The following RXRG variants were observed in gnomAD, a reference collection of about 807,000 sequenced individuals.
RXRG encodes the protein retinoic acid receptor RXR-gamma.
In RXRG, 19 loss-of-function variants were observed where a neutral mutation model predicts 49.2. The observed-to-expected ratio is 0.39, with a 90% confidence interval of 0.27 to 0.57. The LOEUF is 0.57. Ranked by LOEUF, RXRG falls within the 20% of genes least tolerant of loss-of-function variation. The pLI is 0.64. For synonymous variants in RXRG, 224 were observed against 216.6 expected, an observed-to-expected ratio of 1.03 and a Z score of -0.30; for missense variants, 452 against 592.5, an observed-to-expected ratio of 0.76 and a Z score of 2.46.
chr1:165,418,266 C>T (rs1050177462), intron 3 of RXRG, among the ~76,000 whole-genome samples: 1 of 152,132 alleles, frequency 6.6e-6, no homozygotes, highest in Non-Finnish European at 1.5e-5. Flanking sequence ...CCACCAAGCC[C>T]ATCCTCAGAC....
chr1:165,410,685 C>A lies in RXRG; in HGVS notation c.913+17G>T. On this transcript the variant is annotated intron_variant, in intron 6 of 9. Coordinates refer to ENST00000359842, the MANE Select transcript of RXRG (RefSeq NM_006917.5). ...TTCAAAATTGTCCCAGGAAAAAAGG[C>A]AGCCAATGTGCTTTACCTGCCCGAA... The A allele has an allele frequency of 6.2e-7, 1 of 1,610,708 alleles. No individual in the cohort carries two copies. The highest frequency in any genetic ancestry group is 8.5e-7 in the Non-Finnish European group (1 of 1,178,796).
chr1:165,417,836 C>T (rs906106741), intron 3 of RXRG, among the ~76,000 whole-genome samples: 6 of 152,148 alleles, frequency 3.9e-5, no homozygotes, highest in African/African-American at 1.2e-4. Context: ...GGCATGGTGG[C>T]TCACGCCTGT....
intron 2 of RXRG, among the ~76,000 whole-genome samples, chr1:165,426,845 CA>C (rs1379206563): frequency 2.0e-5 from 3 of 152,046 alleles, no homozygotes; most frequent in African/African-American, 7.2e-5. Flanking sequence ...GCTGGAGACC[CA>C]AAAAAGCTCA....
intron 1 of RXRG, among the ~76,000 whole-genome samples, chr1:165,432,777 G>A (rs1241596473): frequency 6.6e-6 from 1 of 152,224 alleles, no homozygotes; most frequent in Non-Finnish European, 1.5e-5. Context: ...CTGTTTGAAG[G>A]ATGAGTGGTG....
intron 1 of RXRG, among the ~76,000 whole-genome samples, chr1:165,439,557 C>CT (rs1658917939): frequency 6.6e-6 from 1 of 152,248 alleles, no homozygotes. Context: ...CACATTCCCA[C>CT]TGAGAGGCTG....
intron 1 of RXRG, among the ~76,000 whole-genome samples, chr1:165,430,116 G>A (rs1037515334): frequency 1.3e-5 from 2 of 152,156 alleles, no homozygotes; most frequent in Non-Finnish European, 2.9e-5. Context: ...CTGTCCACAT[G>A]GATAGAAAGG....
chr1:165,437,508 T>C (rs1123945), intron 1 of RXRG, among the ~76,000 whole-genome samples: 3,960 of 152,292 alleles, frequency 0.026, 83 homozygotes, highest in Admixed American at 0.062. Context: ...CGCTGTATTT[T>C]AAGAGACTGC....
In RXRG at chr1:165,444,970, C is replaced by T. The variant is rs1659115542; in HGVS notation, c.-77G>A. The stretch of plus-strand genomic sequence containing the variant: ...CCTCTCTCGGCTCCCAGGCACAGCC[C>T]GGCTTTCTTCAACTTGGGCTAACAA... On this transcript the variant is annotated 5_prime_UTR_variant, in exon 1 of 10. Coordinates refer to ENST00000359842, the MANE Select transcript of RXRG (RefSeq NM_006917.5). 7.1e-7 allele frequency: 1 copy of T among 1,407,070 alleles called. No individual in the cohort carries two copies. The allele number at this position is 1,407,070 out of a possible 1,614,324, so 87.2% of individuals were successfully genotyped here.
At chr1:165,409,447 A>C in intron 7 of RXRG, 111 bp downstream of exon 7, 1 of 1,236,498 alleles carries the variant, frequency 8.1e-7, no homozygotes, top group Non-Finnish European at 1.0e-6. Context: ...AGCACTACCC[A>C]GAGGTTCATG....
intron 2 of RXRG, among the ~76,000 whole-genome samples, chr1:165,422,274 C>G (rs568532297): frequency 6.6e-6 from 1 of 152,328 alleles, no homozygotes; most frequent in Admixed American, 6.5e-5. Flanking sequence ...CCTAAGAGGT[C>G]TTCCTATTTA....
At chr1:165,427,590 C>T (rs543294243) in intron 2 of RXRG, among the ~76,000 whole-genome samples, 1 of 152,194 alleles carries the variant, frequency 6.6e-6, no homozygotes, top group East Asian at 1.9e-4. Flanking sequence ...TTACAGGCAC[C>T]TGCCACCACA....
At chr1:165,408,184 G>T in intron 8 of RXRG, 43 bp downstream of exon 8, 1 of 1,437,022 alleles carries the variant, frequency 7.0e-7, no homozygotes, top group Non-Finnish European at 9.8e-7. Context: ...GACCGTGGAA[G>T]AGGGCTGAAC....
intron 1 of RXRG, among the ~76,000 whole-genome samples, chr1:165,429,774 A>G (rs925597080): frequency 6.6e-6 from 1 of 152,154 alleles, no homozygotes; most frequent in African/African-American, 2.4e-5. Context: ...TGCAGCCAAA[A>G]GTGTCTGTGG....
At chr1:165,417,016 A>C (rs768665602) in intron 4 of RXRG, 25 bp downstream of exon 4, 46 of 1,596,672 alleles carry the variant, frequency 2.9e-5, no homozygotes, top group Non-Finnish European at 3.9e-5. Flanking sequence ...TCCGGACACG[A>C]GTTTTGGAAC....
chr1:165,425,707 C>A (rs762708225), intron 2 of RXRG, among the ~76,000 whole-genome samples: 1 of 152,174 alleles, frequency 6.6e-6, no homozygotes, highest in Non-Finnish European at 1.5e-5. Flanking sequence ...TGCCCCATCC[C>A]CACTCCTCTG....
At chr1:165,422,343 T>C (rs1658348285) in intron 2 of RXRG, among the ~76,000 whole-genome samples, 1 of 152,226 alleles carries the variant, frequency 6.6e-6, no homozygotes, top group Non-Finnish European at 1.5e-5. Context: ...AGGAACAATA[T>C]GGAGATCCAA....
At chr1:165,415,170 C>T (rs961473772) in intron 4 of RXRG, among the ~76,000 whole-genome samples, 7 of 151,558 alleles carry the variant, frequency 4.6e-5, no homozygotes, top group Non-Finnish European at 7.4e-5. Context: ...GGTAAAGATA[C>T]GAAGGATGAG....
intron 4 of RXRG, among the ~76,000 whole-genome samples, chr1:165,414,832 A>C (rs1658077344): frequency 6.6e-6 from 1 of 152,254 alleles, no homozygotes; most frequent in African/African-American, 2.4e-5. Flanking sequence ...AGCACAGAGT[A>C]GGCACTCAGC....
At chr1:165,419,498 C>T (rs976150259) in intron 3 of RXRG, among the ~76,000 whole-genome samples, 17 of 151,956 alleles carry the variant, frequency 1.1e-4, no homozygotes, top group Admixed American at 1.1e-3. Flanking sequence ...TCAAGCTATC[C>T]TCCCACCTCA....
Sources: gnomAD v4.1 joint callset for allele counts (sites outside exome capture counted in the v4.1 genomes callset) on GRCh38, gnomAD v4.1.1 for gene constraint, MANE v1.5 for transcripts, NCBI Gene and HGNC (gene_info 2026-07-23, HGNC 2026-07-21) for gene names.